STK33: variants seen among roughly 807,000 people sequenced by gnomAD.
STK33 encodes the protein serine/threonine kinase 33.
A neutral mutation model predicts 58.0 loss-of-function variants in STK33; 52 were observed. That is an observed-to-expected ratio of 0.90 (90% CI 0.72 to 1.13). The LOEUF (loss-of-function observed/expected upper bound fraction) is 1.13, where lower values mean the gene tolerates loss of function less well. STK33 is among the 50% of genes most tolerant of loss of function. STK33 has a pLI of 0.00. For missense variants in STK33, 630 were observed against 604.2 expected (o/e 1.04, Z -0.45); for synonymous variants, 215 against 200.1 (o/e 1.07, Z -0.63).
Position 8,474,855 on chromosome 11 carries a change from T to A in STK33, c.51A>T (p.Ser17=). The A allele has an allele frequency of 1.9e-6, 3 of 1,608,164 alleles. No homozygotes were observed. Among genetic ancestry groups the A allele is most frequent in the Non-Finnish European group, 2.5e-6 (3 of 1,177,410 alleles). The change falls in exon 5 of 16, where the codon TCA becomes TCT. Residue 17 remains serine (S), a synonymous_variant. Transcript: ENST00000687296. ...AAAGTACATCTTTCTGAGAAGCAGA[T>A]GAACAGTCGGGGCATTTTGTGGATT... The part of the protein sequence containing the change: ...DKKSTKCPDC[S]SASQKDVLCV...
intron 1 of STK33, among the ~76,000 whole-genome samples, chr11:8,482,877 C>G (rs1949927511): frequency 2.0e-5 from 3 of 151,858 alleles, no homozygotes; most frequent in Non-Finnish European, 4.4e-5. Flanking sequence ...CTACAGGCGC[C>G]CACCACCACG....
the STK33 span, among the ~76,000 whole-genome samples, chr11:8,381,585 G>A: frequency 6.6e-6 from 1 of 152,110 alleles, no homozygotes; most frequent in Non-Finnish European, 1.5e-5. Context: ...AGATCACCTA[G>A]CACCCAGCAC....
the STK33 span, among the ~76,000 whole-genome samples, chr11:8,368,975 G>C: frequency 2.0e-5 from 3 of 152,140 alleles, no homozygotes. Context: ...AGCCATCAGC[G>C]TCTGCGTCCA....
intron 1 of STK33, among the ~76,000 whole-genome samples, chr11:8,532,367 T>C (rs191241912): frequency 6.6e-6 from 1 of 152,374 alleles, no homozygotes; most frequent in Admixed American, 6.5e-5. Context: ...TATCTATCTT[T>C]GCTTTTGCAC....
chr11:8,529,746 T>A (rs897679622), intron 1 of STK33, among the ~76,000 whole-genome samples: 1 of 152,154 alleles, frequency 6.6e-6, no homozygotes. Flanking sequence ...AAGCCATGGA[T>A]CGCAGGTGGC....
intron 15 of STK33, among the ~76,000 whole-genome samples, chr11:8,397,104 GA>G (rs1849493321): frequency 6.6e-6 from 1 of 152,220 alleles, no homozygotes; most frequent in Non-Finnish European, 1.5e-5. Flanking sequence ...TGACAGCCTT[GA>G]AAAGAGTAGT....
chr11:8,351,454 G>T, the STK33 span, among the ~76,000 whole-genome samples: 3 of 152,210 alleles, frequency 2.0e-5, no homozygotes, highest in Non-Finnish European at 4.4e-5. Context: ...GGCCACAGGG[G>T]ACCCCTTAGG....
intron 1 of STK33, among the ~76,000 whole-genome samples, chr11:8,573,350 T>G (rs1957953040): frequency 6.6e-6 from 1 of 152,152 alleles, no homozygotes; most frequent in African/African-American, 2.4e-5. Flanking sequence ...CCAACATCAT[T>G]AGGCTTTGGG....
chr11:8,343,585 G>A, the STK33 span, among the ~76,000 whole-genome samples: 4 of 152,300 alleles, frequency 2.6e-5, no homozygotes, highest in African/African-American at 7.2e-5. Context: ...CTGGGTGCCC[G>A]CAAGGCACTC....
chr11:8,343,780 C>T, the STK33 span, among the ~76,000 whole-genome samples: 1 of 152,170 alleles, frequency 6.6e-6, no homozygotes, highest in Non-Finnish European at 1.5e-5. Context: ...CATGCCTTGA[C>T]CCTCTGGTGG....
At chr11:8,571,248 C>T (rs1003552716) in intron 1 of STK33, among the ~76,000 whole-genome samples, 12 of 151,980 alleles carry the variant, frequency 7.9e-5, no homozygotes, top group African/African-American at 2.7e-4. Flanking sequence ...ATATGTGAGG[C>T]CAAAACTACC....
chr11:8,355,785 C>T, the STK33 span, among the ~76,000 whole-genome samples: 9 of 152,208 alleles, frequency 5.9e-5, no homozygotes, highest in East Asian at 1.9e-4. Context: ...GAGGGTTGAA[C>T]GAGTGAGTAC....
the STK33 span, among the ~76,000 whole-genome samples, chr11:8,351,851 G>T: frequency 6.6e-6 from 1 of 152,200 alleles, no homozygotes. Flanking sequence ...TGGAGCTGAT[G>T]GAAGAAGGTT....
intron 1 of STK33, among the ~76,000 whole-genome samples, chr11:8,577,115 A>T (rs1013941066): frequency 2.0e-5 from 3 of 152,192 alleles, no homozygotes; most frequent in Non-Finnish European, 2.9e-5. Context: ...GTAAATAGTT[A>T]GCAGAGGGTA....
intron 1 of STK33, among the ~76,000 whole-genome samples, chr11:8,517,440 C>T (rs948458064): frequency 1.3e-5 from 2 of 152,184 alleles, no homozygotes; most frequent in African/African-American, 4.8e-5. Context: ...TCCTCCAAAG[C>T]AATGCAGCTC....
At chr11:8,444,785 G>C (rs1945210207) in intron 11 of STK33, among the ~76,000 whole-genome samples, 1 of 151,906 alleles carries the variant, frequency 6.6e-6, no homozygotes, top group African/African-American at 2.4e-5. Flanking sequence ...AAAAATAATA[G>C]AAACTTTATC....
chr11:8,374,295 T>G, the STK33 span, among the ~76,000 whole-genome samples: 2 of 152,148 alleles, frequency 1.3e-5, no homozygotes, highest in Non-Finnish European at 2.9e-5. Flanking sequence ...CCCCTTGTAC[T>G]CTGTGAGCTG....
rs189655631 is a variant in STK33 at position 8,545,165 on chromosome 11, C to T, written c.-466+48918G>A. On this transcript the variant is annotated intron_variant, in intron 1 of 15. Transcript: ENST00000687296. Reference sequence around the variant, plus strand: ...GAAATTCTTTGTGGGATTATTCCAACCTCATCTGAAGCCACATGCACTTGG... The same window carrying T: ...GAAATTCTTTGTGGGATTATTCCAATCTCATCTGAAGCCACATGCACTTGG... Among the ~76,000 whole-genome samples, 134 of 152,286 alleles carry T rather than the reference C, an allele frequency of 8.8e-4. 1 individual carries two copies. The highest frequency in any genetic ancestry group is 6.8e-3 in the Middle Eastern group (2 of 292).
the STK33 span, among the ~76,000 whole-genome samples, chr11:8,380,448 TA>T: frequency 6.6e-6 from 1 of 151,648 alleles, no homozygotes; most frequent in Non-Finnish European, 1.5e-5. Flanking sequence ...TAATCCCAGC[TA>T]CTCAGGAGGC....
Sources: gnomAD v4.1 joint callset for allele counts (sites outside exome capture counted in the v4.1 genomes callset) on GRCh38, gnomAD v4.1.1 for gene constraint, MANE v1.5 for transcripts, NCBI Gene and HGNC (gene_info 2026-07-23, HGNC 2026-07-21) for gene names.